The following WDR6 variants were observed in gnomAD, a reference collection of about 807,000 sequenced individuals.
WDR6 encodes WD repeat domain 6.
Under a neutral mutation model 85.6 loss-of-function variants are expected in WDR6, and 58 were observed. That is an observed-to-expected ratio of 0.68 (90% CI 0.55 to 0.84). The LOEUF is 0.84. Among genes scored for constraint, WDR6 ranks in the 40% least tolerant of loss-of-function variants. The pLI is 0.00. For synonymous variants in WDR6, 569 were observed against 582.2 expected, an observed-to-expected ratio of 0.98 and a Z score of 0.33; for missense variants, 1,310 against 1,476.4, an observed-to-expected ratio of 0.89 and a Z score of 1.85.
Position 49,015,075 on chromosome 3 carries a change from C to CAA in WDR6, c.3154_3155dup (p.Ile1053ArgfsTer3). Reference sequence around the variant, plus strand: ...CACATGCTGCCCATGTGACAGGCCTCAAGATCCTAAGCCCAAGCATCATGG... The same window carrying CAA: ...CACATGCTGCCCATGTGACAGGCCTCAAAAGATCCTAAGCCCAAGCATCATGG... On this transcript the variant is annotated frameshift_variant, in exon 6 of 6. Transcript: ENST00000608424. LOFTEE classifies it high-confidence loss of function. 6.2e-7 allele frequency: 1 copy of CAA among 1,614,168 alleles called. No homozygotes were observed. The highest frequency in any genetic ancestry group is 2.2e-5 in the East Asian group (1 of 44,892).
At position 49,015,905 on chromosome 3, in the gene WDR6, C is replaced by G. The variant is rs199567076; in HGVS notation, c.*617C>G. 967 of 1,614,202 alleles carry G rather than the reference C, an allele frequency of 6.0e-4. 8 individuals are homozygous for G. The African/African-American group carries it at 0.011, about 19-fold the overall frequency. On this transcript the variant is annotated 3_prime_UTR_variant, in exon 6 of 6. Transcript: ENST00000608424. ...CAGAGACTGAGTCACTGGCCCATCT[C>G]TTTGCTCTTGTGCCCCAGGCCAGAA... is the stretch of plus-strand genomic sequence containing the variant.
At chr3:49,010,579 G>A (rs1408615021) in intron 1 of WDR6, among the ~76,000 whole-genome samples, 7 of 151,930 alleles carry the variant, frequency 4.6e-5, no homozygotes, top group Non-Finnish European at 4.4e-5. Flanking sequence ...GGTCGGGCTT[G>A]GTGGCTCACG....
intron 1 of WDR6, among the ~76,000 whole-genome samples, chr3:49,009,978 T>C (rs1383823324): frequency 6.6e-6 from 1 of 151,910 alleles, no homozygotes; most frequent in Non-Finnish European, 1.5e-5. Context: ...GCCTCCTGCC[T>C]TCCAAAGTGC....
intron 1 of WDR6, chr3:49,011,250 A>AG: frequency 2.5e-6 from 1 of 393,738 alleles, no homozygotes; most frequent in Non-Finnish European, 4.8e-6. Flanking sequence ...ACACCTGGCT[A>AG]ATTTTTTAGT....
chr3:49,011,059 C>T (rs957457130), intron 1 of WDR6: 2 of 441,150 alleles, frequency 4.5e-6, no homozygotes, highest in South Asian at 1.6e-5. Flanking sequence ...AAAGTCAGCA[C>T]TGAAAGTCCA....
At position 49,012,047 on chromosome 3, in the gene WDR6, G is replaced by C. The variant is rs1477465499; in HGVS notation, c.513G>C (p.Lys171Asn). ...SSACLIGDAW[K>N]ELTIVAGAVS... Reference sequence around the variant, plus strand: ...CCTGCCTGATTGGAGACGCCTGGAAGGAGCTGACCATAGTGGCAGGTGCTG... The same window carrying C: ...CCTGCCTGATTGGAGACGCCTGGAACGAGCTGACCATAGTGGCAGGTGCTG... The change falls in exon 2 of 6, where the codon AAG becomes AAC. Residue 171 changes from lysine to asparagine, a missense_variant. Physicochemically the swap from Lys to Asn is moderately conservative, Grantham distance 94. Transcript: ENST00000608424. This position sits in a 1 kb window ranked among gnomAD's most constrained non-coding sequence, Gnocchi z 4.4. 1 of 1,614,160 alleles carries C rather than the reference G, an allele frequency of 6.2e-7. No individual in the cohort carries two copies. Among genetic ancestry groups the C allele is most frequent in the Non-Finnish European group, 8.5e-7 (1 of 1,180,030 alleles).
At position 49,013,558 on chromosome 3, in the gene WDR6, A is replaced by G. The variant is rs2093030167; in HGVS notation, c.2024A>G (p.Lys675Arg). 6 of 1,613,924 alleles carry G rather than the reference A, an allele frequency of 3.7e-6. No individual in the cohort carries two copies. In the Admixed American group the frequency reaches 5.0e-5, roughly 13 times the overall value. The change falls in exon 2 of 6, where the codon AAG becomes AGG. Residue 675 changes from lysine to arginine, a missense_variant. Lys to Arg is a conservative substitution (Grantham distance 26). Coordinates refer to ENST00000608424, the MANE Select transcript of WDR6 (RefSeq NM_018031.6). This position sits in a 1 kb window ranked among gnomAD's most constrained non-coding sequence, Gnocchi z 4.6. ...TEAAMAFAYL[K>R]DGDVMLYRAL... is the part of the protein sequence containing the mutation. Reference sequence around the variant, plus strand: ...GCGGCCATGGCCTTTGCTTACCTCAAGGATGGGGATGTCATGCTGTACAGG... The same window carrying G: ...GCGGCCATGGCCTTTGCTTACCTCAGGGATGGGGATGTCATGCTGTACAGG...
rs775920636 is a variant in WDR6 at position 49,014,603 on chromosome 3, GCTC to G, written c.2793_2795del (p.Leu932del). ...GCTGTCTTTTCCTGGCTCTCAGGAG[GCTC>G]CTCCTGTGCAGCGCAGCTACTGATG... On this transcript the variant is annotated inframe_deletion, in exon 5 of 6. Transcript: ENST00000608424. The surrounding 1 kb of genome is among the most constrained non-coding windows in gnomAD (Gnocchi z 4.9). The G allele has an allele frequency of 4.3e-6, 7 of 1,613,516 alleles. No homozygotes were observed. In the East Asian group the frequency reaches 1.1e-4, roughly 26 times the overall value.
Position 49,014,276 on chromosome 3 carries a change from T to C in WDR6, c.2649T>C (p.Cys883=). Residue 883 remains cysteine, a synonymous_variant, in exon 3 of 6, where the codon TGT becomes TGC. Transcript: ENST00000608424. This position sits in a 1 kb window ranked among gnomAD's most constrained non-coding sequence, Gnocchi z 4.9. ...TTGGCCCCCTTGTGGCTGCAGCCTG[T>C]AGTGATGGGGCCGTAAGGTGAGAGC... The part of the protein sequence containing the change: ...PGLGPLVAAA[C]SDGAVRLFLL... The C allele has an allele frequency of 2.5e-6, 4 of 1,614,024 alleles. No homozygotes were observed. In the South Asian group the frequency reaches 4.4e-5, roughly 18 times the overall value.
rs748173108 is a variant in WDR6, at chr3:49,013,323, C to G, written c.1789C>G (p.Arg597Gly). The change falls in exon 2 of 6, where the codon CGA (arginine) becomes GGA (glycine). Residue 597 changes from arginine to glycine, a missense_variant. Transcript: ENST00000608424. The surrounding 1 kb of genome is among the most constrained non-coding windows in gnomAD (Gnocchi z 4.6). Reference sequence around the variant, plus strand: ...TGGAGCCTACTACCAGCTGTTTGTACGAGACGGCCAGCTCCAGCCAGTCCT... The same window carrying G: ...TGGAGCCTACTACCAGCTGTTTGTAGGAGACGGCCAGCTCCAGCCAGTCCT... ...RDGAYYQLFV[R>G]DGQLQPVLRQ... 1 of 1,614,140 alleles carries G rather than the reference C, an allele frequency of 6.2e-7. No individual in the cohort carries two copies. Among genetic ancestry groups the G allele is most frequent in the South Asian group, 1.1e-5 (1 of 91,086 alleles).
At position 49,011,755 on chromosome 3, in the gene WDR6, C is replaced by G. The variant is rs568359596; in HGVS notation, c.221C>G (p.Pro74Arg). 2 of 1,614,224 alleles carry G rather than the reference C, an allele frequency of 1.2e-6. No homozygotes were observed. The highest frequency in any genetic ancestry group is 3.3e-5 in the Admixed American group (2 of 60,020). ...LIHGFRVRPE[P>R]NGDLDLEAMV... is the part of the protein sequence containing the mutation. ...CATGGCTTCCGGGTACGGCCAGAGC[C>G]TAATGGAGACCTTGACTTGGAGGCC... Residue 74 changes from proline to arginine, a missense_variant, in exon 2 of 6, where the codon CCT (proline) becomes CGT (arginine). Transcript: ENST00000608424.
In WDR6 at chr3:49,013,389, C is replaced by A. The variant is rs201493767; in HGVS notation, c.1855C>A (p.Leu619Ile). The change falls in exon 2 of 6, where the codon CTC becomes ATC. Residue 619 changes from leucine to isoleucine, a missense_variant. Leu to Ile is a conservative substitution (Grantham distance 5). Transcript: ENST00000608424. The surrounding 1 kb of genome is among the most constrained non-coding windows in gnomAD (Gnocchi z 4.6). ...TCGAGGCATGAACTGGCTAGCTGGG[C>A]TCCGTATAGTGCCCGATGGGAGCAT... ...SCRGMNWLAG[L>I]RIVPDGSMVI... 6.2e-7 allele frequency: 1 copy of A among 1,614,170 alleles called. No homozygotes were observed. Among genetic ancestry groups the A allele is most frequent in the Non-Finnish European group, 8.5e-7 (1 of 1,180,026 alleles).
Position 49,014,206 on chromosome 3 carries a change from G to A in WDR6, c.2583-4G>A. 2 of 1,614,160 alleles carry A rather than the reference G, an allele frequency of 1.2e-6. No homozygotes were observed. Among genetic ancestry groups the A allele is most frequent in the Non-Finnish European group, 1.7e-6 (2 of 1,180,014 alleles). On this transcript the variant is annotated splice_polypyrimidine_tract_variant and splice_region_variant and intron_variant, in intron 2 of 5. Transcript: ENST00000608424. The surrounding 1 kb of genome is among the most constrained non-coding windows in gnomAD (Gnocchi z 4.9). ...CACCTGACAGCTGCATGTTGTCTCTGCAGGTACATGTCCCTTGCTGTGTGT... is the reference window on the plus strand; with the variant it reads ...CACCTGACAGCTGCATGTTGTCTCTACAGGTACATGTCCCTTGCTGTGTGT...
rs769208366 is a variant in WDR6 at position 49,012,324 on chromosome 3, G to A, written c.790G>A (p.Val264Ile). The stretch of plus-strand genomic sequence containing the variant: ...TGGGCACAGCGCCCGTGTGTGGCAG[G>A]TCAAGCTTCTAGAGAATTACCTTAT... ...CFGHSARVWQ[V>I]KLLENYLISA... The change falls in exon 2 of 6, where the codon GTC (valine) becomes ATC (isoleucine). Residue 264 changes from valine (V) to isoleucine (I), a missense_variant. Coordinates refer to ENST00000608424, the MANE Select transcript of WDR6 (RefSeq NM_018031.6). The surrounding 1 kb of genome is among the most constrained non-coding windows in gnomAD (Gnocchi z 4.4). 19 of 1,614,116 alleles carry A rather than the reference G, an allele frequency of 1.2e-5. No individual in the cohort carries two copies. In the Admixed American group the frequency reaches 3.2e-4, roughly 27 times the overall value.
In WDR6 at chr3:49,012,634, A is replaced by ATAC. The variant is rs767652248; in HGVS notation, c.1101_1103dup (p.Thr368dup). The ATAC allele has an allele frequency of 6.2e-7, 1 of 1,614,016 alleles. No homozygotes were observed. The highest frequency in any genetic ancestry group is 1.1e-5 in the South Asian group (1 of 91,074). ...TCTTGGCGACTGCTGGCAGTGACTG[A>ATAC]TACAGGGGCCCTGTATCTCTATGAC... On this transcript the variant is annotated inframe_insertion, in exon 2 of 6. Transcript: ENST00000608424. The surrounding 1 kb of genome is among the most constrained non-coding windows in gnomAD (Gnocchi z 4.4).
rs200156530 is a variant in WDR6 at position 49,013,226 on chromosome 3, C to T, written c.1692C>T (p.Pro564=). The part of the protein sequence containing the change: ...FTGLGPVSTL[P]SLHGKQGVTS... Reference sequence around the variant, plus strand: ...GGTTGGGCCCAGTGTCTACCCTGCCCTCTCTGCACGGGAAGCAGGGTGTGA... The same window carrying T: ...GGTTGGGCCCAGTGTCTACCCTGCCTTCTCTGCACGGGAAGCAGGGTGTGA... Residue 564 remains proline (P), a synonymous_variant, in exon 2 of 6, where the codon CCC becomes CCT. Transcript: ENST00000608424. The surrounding 1 kb of genome is among the most constrained non-coding windows in gnomAD (Gnocchi z 4.6). The T allele has an allele frequency of 2.3e-5, 37 of 1,613,872 alleles. 1 individual carries two copies. In the South Asian group the frequency reaches 3.1e-4, roughly 13 times the overall value.
At chr3:49,010,866 A>C (rs2106690108) in intron 1 of WDR6, among the ~76,000 whole-genome samples, 1 of 150,734 alleles carries the variant, frequency 6.6e-6, no homozygotes, top group South Asian at 2.1e-4. Context: ...AAAAAAAAAA[A>C]ACTAGCCAGG....
chr3:49,008,837 A>G (rs2092998885), intron 1 of WDR6: 1 of 152,554 alleles, frequency 6.6e-6, no homozygotes, highest in South Asian at 2.0e-4. Context: ...TGGCTTCCAA[A>G]GTGACTTTTA....
At position 49,015,928 on chromosome 3, in the gene WDR6, G is replaced by A; in HGVS notation, c.*640G>A. 6.2e-7 allele frequency: 1 copy of A among 1,614,168 alleles called. No homozygotes were observed. Among genetic ancestry groups the A allele is most frequent in the Non-Finnish European group, 8.5e-7 (1 of 1,180,034 alleles). ...CTCTTTGCTCTTGTGCCCCAGGCCA[G>A]AATAAAGAATAGAGTGTAGAGTGTC... On this transcript the variant is annotated 3_prime_UTR_variant, in exon 6 of 6. Coordinates refer to ENST00000608424, the MANE Select transcript of WDR6 (RefSeq NM_018031.6).
Sources: gnomAD v4.1 joint callset for allele counts (sites outside exome capture counted in the v4.1 genomes callset) on GRCh38, gnomAD v4.1.1 for gene constraint, Gnocchi (gnomAD v3.1) non-coding constraint, MANE v1.5 for transcripts, NCBI Gene and HGNC (gene_info 2026-07-23, HGNC 2026-07-21) for gene names.